Variants in NTRK2 observed in about 807,000 individuals in gnomAD.
NTRK2 encodes BDNF/NT-3 growth factors receptor.
In NTRK2, 13 loss-of-function variants were observed where a neutral mutation model predicts 94.5. That is an observed-to-expected ratio of 0.14 (90% CI 0.09 to 0.22). NTRK2 has a LOEUF of 0.22. Ranked by LOEUF, NTRK2 falls within the 10% of genes least tolerant of loss-of-function variation. The probability of loss-of-function intolerance (pLI) is 1.00; values close to 1 mark genes in which losing one functional copy is unlikely to be tolerated. For synonymous variants in NTRK2, 372 were observed against 407.4 expected (o/e 0.91, Z 1.05); for missense variants, 639 against 1,071.2 (o/e 0.60, Z 5.63).
chr9:84,902,156 A>G (rs1466989700), intron 14 of NTRK2, among the ~76,000 whole-genome samples: 1 of 151,802 alleles, frequency 6.6e-6, no homozygotes, highest in Non-Finnish European at 1.5e-5. Flanking sequence ...AGATCATGCT[A>G]CTGCATTCCA....
chr9:84,968,874 A>T (rs554376265), intron 17 of NTRK2, among the ~76,000 whole-genome samples: 1 of 151,532 alleles, frequency 6.6e-6, no homozygotes, highest in South Asian at 2.1e-4. Context: ...ATTTGCAAGG[A>T]TGCTCTATTG....
At chr9:84,794,598 C>T (rs79735215) in intron 12 of NTRK2, among the ~76,000 whole-genome samples, 6,458 of 152,226 alleles carry the variant, frequency 0.042, 205 homozygotes, top group South Asian at 0.12. Context: ...TAAAATGTGC[C>T]TTGCGCAATA....
chr9:85,012,093 A>G (rs188946221), intron 17 of NTRK2, among the ~76,000 whole-genome samples: 246 of 151,680 alleles, frequency 1.6e-3, no homozygotes, highest in African/African-American at 5.7e-3. Flanking sequence ...GGTTCAAGCG[A>G]TTCTCCTGCC....
intron 6 of NTRK2, among the ~76,000 whole-genome samples, chr9:84,721,879 T>C (rs959682048): frequency 2.6e-5 from 4 of 152,328 alleles, no homozygotes; most frequent in Admixed American, 6.5e-5. Context: ...CAAAATTAAG[T>C]ATATACATAT....
At chr9:84,760,812 A>G (rs2132641753) in intron 12 of NTRK2, among the ~76,000 whole-genome samples, 1 of 152,376 alleles carries the variant, frequency 6.6e-6, no homozygotes, top group Admixed American at 6.5e-5. Flanking sequence ...ATCTAAAAAC[A>G]CGACCTCATG....
intron 14 of NTRK2, among the ~76,000 whole-genome samples, chr9:84,899,884 C>A (rs1420682171): frequency 6.6e-6 from 1 of 152,156 alleles, no homozygotes; most frequent in Non-Finnish European, 1.5e-5. Flanking sequence ...GGGGTGGACA[C>A]CAAGCTTCTC....
At chr9:84,942,844 C>T (rs529410327) in intron 15 of NTRK2, among the ~76,000 whole-genome samples, 5 of 152,148 alleles carry the variant, frequency 3.3e-5, no homozygotes, top group Admixed American at 2.6e-4. Context: ...CCACCTGTGA[C>T]TGTTGGCTAC....
At chr9:84,995,357 G>T (rs1045110681) in intron 17 of NTRK2, among the ~76,000 whole-genome samples, 4 of 152,072 alleles carry the variant, frequency 2.6e-5, no homozygotes, top group Admixed American at 6.6e-5. Flanking sequence ...TTTATCCCTT[G>T]GTGGGGTTTT....
chr9:84,729,378 T>TC (rs1488170058), intron 9 of NTRK2, among the ~76,000 whole-genome samples: 3 of 152,232 alleles, frequency 2.0e-5, no homozygotes, highest in Admixed American at 6.5e-5. Context: ...CATTAAATCT[T>TC]CCTCTTAATT....
chr9:84,834,724 T>C (rs2073769612), intron 12 of NTRK2, among the ~76,000 whole-genome samples: 3 of 152,224 alleles, frequency 2.0e-5, no homozygotes, highest in South Asian at 4.1e-4. Context: ...GAAAGGCATC[T>C]GTAACATTAC....
chr9:84,959,510 T>C (rs1824623413), intron 17 of NTRK2, among the ~76,000 whole-genome samples: 1 of 152,194 alleles, frequency 6.6e-6, no homozygotes, highest in Non-Finnish European at 1.5e-5. Flanking sequence ...GGGTGGCAGC[T>C]GTTCTTTCGT....
At chr9:84,730,841 C>A (rs761929079) in intron 9 of NTRK2, among the ~76,000 whole-genome samples, 12 of 91,526 alleles carry the variant, frequency 1.3e-4, no homozygotes, top group Non-Finnish European at 1.7e-4. Context: ...TCCAAGTTAA[C>A]AACAGCAGGT....
chr9:84,966,613 A>G (rs1327918470), intron 17 of NTRK2, among the ~76,000 whole-genome samples: 2 of 152,108 alleles, frequency 1.3e-5, no homozygotes, highest in African/African-American at 4.8e-5. Flanking sequence ...TTGTATTTTT[A>G]GTAGAGACGG....
intron 17 of NTRK2, among the ~76,000 whole-genome samples, chr9:84,958,866 C>T (rs995467818): frequency 6.6e-6 from 1 of 152,094 alleles, no homozygotes; most frequent in African/African-American, 2.4e-5. Flanking sequence ...ATTGACATAT[C>T]GATGGGGCCC....
intron 12 of NTRK2, chr9:84,811,837 G>A: frequency 1.9e-6 from 2 of 1,065,226 alleles, no homozygotes; most frequent in Non-Finnish European, 2.3e-6. Context: ...TAGCATCACA[G>A]TGACCTTTGT....
At chr9:84,738,705 C>T (rs867616473) in intron 9 of NTRK2, among the ~76,000 whole-genome samples, 2 of 152,156 alleles carry the variant, frequency 1.3e-5, no homozygotes, top group South Asian at 4.2e-4. Context: ...TCTAACTAAA[C>T]CTTTGTATAC....
intron 17 of NTRK2, among the ~76,000 whole-genome samples, chr9:84,956,745 C>A (rs1564500848): frequency 6.6e-6 from 1 of 152,160 alleles, no homozygotes; most frequent in Non-Finnish European, 1.5e-5. Context: ...GTCTTGCTCA[C>A]CTCTATGGCC....
At chr9:84,977,738 A>G (rs1234250887) in intron 17 of NTRK2, among the ~76,000 whole-genome samples, 1 of 152,184 alleles carries the variant, frequency 6.6e-6, no homozygotes, top group Non-Finnish European at 1.5e-5. Context: ...CACTATGCAA[A>G]TATTGTGTAT....
At chr9:84,703,875 G>A (rs2060880884) in intron 4 of NTRK2, among the ~76,000 whole-genome samples, 1 of 152,152 alleles carries the variant, frequency 6.6e-6, no homozygotes, top group Non-Finnish European at 1.5e-5. Context: ...GGCTGCATAG[G>A]CCTTGATAGC....
Sources: allele counts gnomAD v4.1 joint callset (sites outside exome capture counted in the v4.1 genomes callset), GRCh38; gene constraint gnomAD v4.1.1; transcripts MANE v1.5; gene names NCBI Gene and HGNC (gene_info 2026-07-23, HGNC 2026-07-21).